POLQ: variants seen among roughly 807,000 people sequenced by gnomAD.
POLQ encodes DNA polymerase theta, also known as epididymis secretory sperm binding protein.
Under a neutral mutation model 259.2 loss-of-function variants are expected in POLQ, and 233 were observed. The observed-to-expected ratio is 0.90, with a 90% CI of 0.81 to 1.00. The LOEUF (loss-of-function observed/expected upper bound fraction) is 1.00. Ranked by LOEUF, POLQ falls within the 50% of genes least tolerant of loss-of-function variation. The probability of loss-of-function intolerance (pLI) is 0.00; values close to 1 mark genes in which losing one functional copy is unlikely to be tolerated. For synonymous variants in POLQ, 1,025 were observed against 1,048.8 expected, an observed-to-expected ratio of 0.98 and a Z score of 0.44; for missense variants, 2,871 against 3,051.6, an observed-to-expected ratio of 0.94 and a Z score of 1.39.
chr3:121,490,280 C>G lies in POLQ; in HGVS notation c.2651G>C (p.Arg884Thr). The change falls in exon 16 of 30, where the codon AGA becomes ACA. Residue 884 changes from arginine to threonine, a missense_variant. Around this residue, in one of 3 missense-constraint regions of POLQ, gnomAD observed 2,080 missense variants for 2,126.0 expected, o/e 0.98. Transcript: ENST00000264233. ...AACTAAGTCCTGCTGCAGAATCATTCTGGCTTCTTCCACTATAAGGGCTGC... is the reference window on the plus strand; with the variant it reads ...AACTAAGTCCTGCTGCAGAATCATTGTGGCTTCTTCCACTATAAGGGCTGC... ...EAAALIVEEA[R>T]MILQQDLVEM... 6.2e-7 allele frequency: 1 copy of G among 1,614,222 alleles called. No individual in the cohort carries two copies. Among genetic ancestry groups the G allele is most frequent in the Non-Finnish European group, 8.5e-7 (1 of 1,180,020 alleles).
intron 27 of POLQ, 46 bp downstream of exon 27, chr3:121,439,946 T>A: frequency 3.9e-6 from 6 of 1,523,178 alleles, no homozygotes; most frequent in Non-Finnish European, 4.5e-6. Flanking sequence ...AAAAAGTACA[T>A]GTCATTGAAA....
At chr3:121,461,729 T>C (rs910377371) in intron 24 of POLQ, among the ~76,000 whole-genome samples, 1 of 152,108 alleles carries the variant, frequency 6.6e-6, no homozygotes, top group African/African-American at 2.4e-5. Context: ...AATGCTAATT[T>C]TGTGTAAAAA....
chr3:121,504,053 A>G (rs2048191763), intron 12 of POLQ, among the ~76,000 whole-genome samples: 1 of 152,222 alleles, frequency 6.6e-6, no homozygotes, highest in Admixed American at 6.5e-5. Context: ...TTTTTAGTAC[A>G]GACAGGGTTT....
intron 16 of POLQ, among the ~76,000 whole-genome samples, chr3:121,486,240 A>G (rs1407880879): frequency 6.6e-6 from 1 of 152,224 alleles, no homozygotes; most frequent in Non-Finnish European, 1.5e-5. Flanking sequence ...AAACAAGGAT[A>G]TTACAATTTA....
At chr3:121,478,576 T>TAAAAAAA (rs143898506) in intron 19 of POLQ, among the ~76,000 whole-genome samples, 1 of 77,402 alleles carries the variant, frequency 1.3e-5, no homozygotes, top group Non-Finnish European at 2.4e-5. Context: ...GGCAAATTTG[T>TAAAAAAA]AAAAAAAAAA....
At chr3:121,532,666 T>C (rs2108817985) in intron 6 of POLQ, among the ~76,000 whole-genome samples, 1 of 151,484 alleles carries the variant, frequency 6.6e-6, no homozygotes, top group Middle Eastern at 3.4e-3. Context: ...CCCGAGTAGC[T>C]GGGATTACAG....
chr3:121,494,827 C>T (rs903743364), intron 14 of POLQ: 14 of 1,563,820 alleles, frequency 9.0e-6, no homozygotes, highest in African/African-American at 4.0e-5. Flanking sequence ...GGGGCGGCAA[C>T]GTCCTGGGTC....
intron 6 of POLQ, among the ~76,000 whole-genome samples, chr3:121,531,130 T>A (rs2048408910): frequency 6.6e-6 from 1 of 152,076 alleles, no homozygotes; most frequent in Admixed American, 6.6e-5. Context: ...GAGGTTGCGG[T>A]GAGCTGAGAT....
chr3:121,538,656 C>G (rs375765025), intron 4 of POLQ, among the ~76,000 whole-genome samples: 1 of 151,190 alleles, frequency 6.6e-6, no homozygotes, highest in Admixed American at 6.6e-5. Context: ...GGAAATAGCA[C>G]TTACTACGAG....
chr3:121,465,902 C>T (rs190422025), intron 24 of POLQ, among the ~76,000 whole-genome samples: 66 of 152,228 alleles, frequency 4.3e-4, no homozygotes, highest in Non-Finnish European at 7.9e-4. Flanking sequence ...AAGGGAAAGT[C>T]GCATCTCTCT....
At chr3:121,477,165 A>G (rs752063901) in intron 19 of POLQ, among the ~76,000 whole-genome samples, 2 of 152,212 alleles carry the variant, frequency 1.3e-5, no homozygotes, top group Non-Finnish European at 2.9e-5. Flanking sequence ...CAGTCAAAAC[A>G]CAGGTGTACA....
chr3:121,526,897 G>A (rs578141951), intron 7 of POLQ, among the ~76,000 whole-genome samples: 63 of 152,034 alleles, frequency 4.1e-4, no homozygotes, highest in Admixed American at 9.2e-4. Context: ...GTGTGCGCGC[G>A]CGCACGCACG....
rs2048241672 is a variant in POLQ, at chr3:121,510,089, A to G, written c.1766T>C (p.Leu589Pro). 1.9e-6 allele frequency: 3 copies of G among 1,614,032 alleles called. No individual in the cohort carries two copies. Among genetic ancestry groups the G allele is most frequent in the South Asian group, 2.2e-5 (2 of 91,092 alleles). Residue 589 changes from leucine to proline, a missense_variant, in exon 11 of 30, where the codon CTA (leucine) becomes CCA (proline). Around this residue, in one of 3 missense-constraint regions of POLQ, gnomAD observed 783 missense variants for 906.2 expected, o/e 0.86. Transcript: ENST00000264233. ...LGAIEACVMW[L>P]LENEFIQSTE... ...ACTCTGGATGAATTCATTTTCTAGT[A>G]GCCACATCACACAGGCCTCAATCGC... is the stretch of plus-strand genomic sequence containing the variant.
At chr3:121,538,164 G>C (rs936724767) in intron 4 of POLQ, among the ~76,000 whole-genome samples, 2 of 152,046 alleles carry the variant, frequency 1.3e-5, no homozygotes, top group South Asian at 4.1e-4. Context: ...ATGTTAGAAA[G>C]TAGCTTAGAA....
chr3:121,516,767 G>A (rs987682809), intron 9 of POLQ, among the ~76,000 whole-genome samples: 9 of 152,108 alleles, frequency 5.9e-5, no homozygotes, highest in East Asian at 1.9e-4. Context: ...GATGCTACAC[G>A]ATACAAAAAG....
Position 121,510,113 on chromosome 3 carries a change from G to A in POLQ, c.1742C>T (p.Ala581Val), listed in dbSNP as rs487848. The A allele has an allele frequency of 0.067, 108,039 of 1,613,052 alleles. 4,726 individuals are homozygous for A. Among genetic ancestry groups the A allele is most frequent in the African/African-American group, 0.2 (14,989 of 74,886 alleles). Residue 581 changes from alanine (A) to valine (V), a missense_variant, in exon 11 of 30, where the codon GCG (alanine) becomes GTG (valine). This residue lies in a region of POLQ where 783 missense variants were observed against 906.2 expected (regional missense o/e 0.86). Coordinates refer to ENST00000264233, the MANE Select transcript of POLQ (RefSeq NM_199420.4). ...TAGCCACATCACACAGGCCTCAATCGCTCCAAGCTGAACAGACTCTTGATT... is the reference window on the plus strand; with the variant it reads ...TAGCCACATCACACAGGCCTCAATCACTCCAAGCTGAACAGACTCTTGATT... Reference protein sequence around the residue: ...QRNQESVQLGAIEACVMWLLE... With the variant: ...QRNQESVQLGVIEACVMWLLE...
intron 12 of POLQ, among the ~76,000 whole-genome samples, chr3:121,505,275 G>A (rs570787275): frequency 1.3e-5 from 2 of 152,260 alleles, no homozygotes; most frequent in African/African-American, 4.8e-5. Context: ...TGTGCTTCCT[G>A]TACAGCCTGC....
chr3:121,489,524 T>C lies in POLQ; in HGVS notation c.3407A>G (p.His1136Arg). The change falls in exon 16 of 30, where the codon CAT becomes CGT. Residue 1136 changes from histidine to arginine, a missense_variant. Transcript: ENST00000264233. The stretch of plus-strand genomic sequence containing the variant: ...TTTACTCTGAGATCCTGTGACAATA[T>C]GCTCCACAAAATTATCATTAGTTAG... ...ITLTNDNFVE[H>R]IVTGSQSKNV... The C allele has an allele frequency of 6.2e-7, 1 of 1,613,832 alleles. No homozygotes were observed. Among genetic ancestry groups the C allele is most frequent in the Non-Finnish European group, 8.5e-7 (1 of 1,179,924 alleles).
intron 25 of POLQ, among the ~76,000 whole-genome samples, chr3:121,458,677 T>C (rs1192774891): frequency 6.6e-6 from 1 of 152,174 alleles, no homozygotes; most frequent in Non-Finnish European, 1.5e-5. Context: ...AGCTGGCTTT[T>C]TAAATAGTGG....
Sources: gnomAD v4.1 joint callset for allele counts (sites outside exome capture counted in the v4.1 genomes callset) on GRCh38, gnomAD v4.1.1 for gene constraint, gnomAD v4.1.1 regional missense constraint, MANE v1.5 for transcripts, NCBI Gene and HGNC (gene_info 2026-07-23, HGNC 2026-07-21) for gene names.